Variants in SEPTIN9 observed in about 807,000 individuals in gnomAD.
SEPTIN9 encodes septin-9.
A neutral mutation model predicts 56.6 loss-of-function variants in SEPTIN9; 13 were observed. The observed-to-expected ratio is 0.23, with a 90% CI of 0.15 to 0.37. The LOEUF is 0.37. Among genes scored for constraint, SEPTIN9 ranks in the 10% least tolerant of loss-of-function variants. The pLI, the probability that SEPTIN9 is intolerant of heterozygous loss-of-function variation, is 1.00. For synonymous variants in SEPTIN9, 332 were observed against 334.1 expected, an observed-to-expected ratio of 0.99 and a Z score of 0.07; for missense variants, 650 against 823.1, an observed-to-expected ratio of 0.79 and a Z score of 2.57.
rs1160185345 is a variant in SEPTIN9, at chr17:77,456,073, C to A, written c.722-26071C>A. On this transcript the variant is annotated intron_variant, in intron 3 of 11. Transcript: ENST00000427177. The surrounding 1 kb of genome is among the most constrained non-coding windows in gnomAD (Gnocchi z 6.0). The stretch of plus-strand genomic sequence containing the variant: ...GATGGTGTCTTTTGTGCCTTGTGTG[C>A]TGGGGCCGGAGGAAACACTGCCCGT... Among the ~76,000 whole-genome samples the A allele has an allele frequency of 6.6e-6, 1 of 152,074 alleles. No individual in the cohort carries two copies. The highest frequency in any genetic ancestry group is 1.5e-5 in the Non-Finnish European group (1 of 68,018).
At chr17:77,431,165 TA>T (rs1222123264) in intron 3 of SEPTIN9, among the ~76,000 whole-genome samples, 2 of 152,040 alleles carry the variant, frequency 1.3e-5, no homozygotes, top group Admixed American at 6.6e-5. Context: ...ACAGAGGTGC[TA>T]GGGGTAGTGG....
Position 77,435,129 on chromosome 17 carries a change from G to A in SEPTIN9, c.721+32426G>A, listed in dbSNP as rs1455649218. ...ATTCTGTTGTTATTCCCATTTCACCGATGAGGAACCCACAGCCCAGAGATG... is the reference window on the plus strand; with the variant it reads ...ATTCTGTTGTTATTCCCATTTCACCAATGAGGAACCCACAGCCCAGAGATG... On this transcript the variant is annotated intron_variant, in intron 3 of 11. Transcript: ENST00000427177. This position sits in a 1 kb window ranked among gnomAD's most constrained non-coding sequence, Gnocchi z 4.5. 6.6e-6 allele frequency among the ~76,000 whole-genome samples: 1 copy of A among 152,128 alleles called. No homozygotes were observed. Among genetic ancestry groups the A allele is most frequent in the East Asian group, 1.9e-4 (1 of 5,200 alleles).
intron 3 of SEPTIN9, among the ~76,000 whole-genome samples, chr17:77,480,385 C>T (rs1371343844): frequency 1.3e-5 from 2 of 152,230 alleles, no homozygotes; most frequent in South Asian, 2.1e-4. Flanking sequence ...GTGAAATAGG[C>T]CGAGAGGGAT....
intron 2 of SEPTIN9, among the ~76,000 whole-genome samples, chr17:77,351,228 AACACACACACACACACACACAC>A (rs10537405): frequency 4.8e-5 from 7 of 144,760 alleles, no homozygotes; most frequent in South Asian, 4.5e-4. Context: ...GCGTGCACAC[AACACACACACACACACACACAC>A]ACACACACAC....
At chr17:77,339,945 C>T (rs1428893809) in intron 2 of SEPTIN9, among the ~76,000 whole-genome samples, 1 of 152,212 alleles carries the variant, frequency 6.6e-6, no homozygotes, top group East Asian at 1.9e-4. Flanking sequence ...CCTGCCTCAG[C>T]CTCCTGAGTA....
At chr17:77,443,336 C>T (rs2037619025) in intron 3 of SEPTIN9, among the ~76,000 whole-genome samples, 3 of 152,118 alleles carry the variant, frequency 2.0e-5, no homozygotes, top group Non-Finnish European at 4.4e-5. Flanking sequence ...TGCTGATCTA[C>T]AAAGTGGTCA....
At chr17:77,398,449 C>G (rs372808829) in intron 2 of SEPTIN9, among the ~76,000 whole-genome samples, 183 of 152,246 alleles carry the variant, frequency 1.2e-3, no homozygotes, top group African/African-American at 4.2e-3. Context: ...GGGAGGCCAG[C>G]TCCCCGGGAA....
rs372020677 is a variant in SEPTIN9 at position 77,426,374 on chromosome 17, C to T, written c.721+23671C>T. ...CCGGAGGCATGCAGTGGCGCAACAG[C>T]GTGAGCCCAGGAGCCCCGGTGAGCT... On this transcript the variant is annotated intron_variant, in intron 3 of 11. Coordinates refer to ENST00000427177, the MANE Select transcript of SEPTIN9 (RefSeq NM_001113491.2). 2.0e-3 allele frequency among the ~76,000 whole-genome samples: 303 copies of T among 152,186 alleles called. 9 individuals carry two copies. The South Asian group carries it at 0.049, about 25-fold the overall frequency.
intron 1 of SEPTIN9, among the ~76,000 whole-genome samples, chr17:77,305,148 T>A (rs772271175): frequency 6.7e-6 from 1 of 150,122 alleles, no homozygotes; most frequent in Non-Finnish European, 1.5e-5. Context: ...AACCCCTGGG[T>A]TTTCCTGGTG....
rs1198186487 is a variant in SEPTIN9 at position 77,329,893 on chromosome 17, G to T, written c.76+22696G>T. On this transcript the variant is annotated intron_variant, in intron 2 of 11. Transcript: ENST00000427177. The surrounding 1 kb of genome is among the most constrained non-coding windows in gnomAD (Gnocchi z 4.3). ...TTTGGACACCATCCCTGGGAGGGGT[G>T]AGCAGGACAAGTGAGGTCTCCAGAC... 6.6e-6 allele frequency among the ~76,000 whole-genome samples: 1 copy of T among 152,200 alleles called. No homozygotes were observed. The highest frequency in any genetic ancestry group is 2.4e-5 in the African/African-American group (1 of 41,444).
chr17:77,492,940 C>A lies in SEPTIN9; in HGVS notation c.1477-40C>A. The A allele has an allele frequency of 6.5e-7, 1 of 1,535,572 alleles. No individual in the cohort carries two copies. Among genetic ancestry groups the A allele is most frequent in the Non-Finnish European group, 8.8e-7 (1 of 1,131,152 alleles). ...GGGGCCCAGGGGAGGGAATTGCCTT[C>A]CCGCACATGTGTAACCAATACCGTC... On this transcript the variant is annotated intron_variant, in intron 9 of 11. Transcript: ENST00000427177. The surrounding 1 kb of genome is among the most constrained non-coding windows in gnomAD (Gnocchi z 5.4).
In SEPTIN9 at chr17:77,445,546, G is replaced by A. The variant is rs774725722; in HGVS notation, c.722-36598G>A. ...CGCACGTGTGTGTGTGTGTGCGTGC[G>A]TGCTGGGTGGGTAGGGAGGAAGCTG... On this transcript the variant is annotated intron_variant, in intron 3 of 11. Coordinates refer to ENST00000427177, the MANE Select transcript of SEPTIN9 (RefSeq NM_001113491.2). The surrounding 1 kb of genome is among the most constrained non-coding windows in gnomAD (Gnocchi z 4.7). The A allele has an allele frequency of 5.7e-5, 22 of 383,870 alleles. No homozygotes were observed. The highest frequency in any genetic ancestry group is 6.6e-5 in the Non-Finnish European group (12 of 181,568). The allele number at this position is 383,870 out of a possible 1,614,324, so 23.8% of individuals were successfully genotyped here. A position where few individuals can be genotyped will look rare whatever the true frequency, so the allele number is the denominator to read the frequency against.
intron 2 of SEPTIN9, among the ~76,000 whole-genome samples, chr17:77,333,617 G>A (rs1316289502): frequency 1.3e-5 from 2 of 152,298 alleles, no homozygotes; most frequent in Middle Eastern, 3.4e-3. Flanking sequence ...TTTCTTTGTG[G>A]TTCTCTCTCT....
chr17:77,353,760 A>T (rs2034133629), intron 2 of SEPTIN9, among the ~76,000 whole-genome samples: 1 of 152,188 alleles, frequency 6.6e-6, no homozygotes, highest in African/African-American at 2.4e-5. Flanking sequence ...CTTCCTGTGG[A>T]AACAGTGTCT....
intron 3 of SEPTIN9, among the ~76,000 whole-genome samples, chr17:77,471,924 G>T (rs1033651269): frequency 6.6e-6 from 1 of 152,052 alleles, no homozygotes; most frequent in Non-Finnish European, 1.5e-5. Context: ...CAGAGCCTGA[G>T]ACAAGGCAAG....
intron 3 of SEPTIN9, among the ~76,000 whole-genome samples, chr17:77,467,143 C>A (rs1046523536): frequency 1.2e-4 from 19 of 152,224 alleles, no homozygotes; most frequent in Non-Finnish European, 2.1e-4. Context: ...ACGCTGGGAC[C>A]AAGTCATCCT....
At chr17:77,491,091 G>A (rs572577624) in intron 8 of SEPTIN9, among the ~76,000 whole-genome samples, 2 of 152,310 alleles carry the variant, frequency 1.3e-5, no homozygotes, top group African/African-American at 4.8e-5. Context: ...TTGTGGGAGT[G>A]CCAATTCTCC....
At chr17:77,332,828 G>A (rs886730285) in intron 2 of SEPTIN9, among the ~76,000 whole-genome samples, 1 of 152,132 alleles carries the variant, frequency 6.6e-6, no homozygotes, top group African/African-American at 2.4e-5. Context: ...GCTGAGTAAC[G>A]TCCACTGTGT....
Position 77,421,799 on chromosome 17 carries a change from G to T in SEPTIN9, c.721+19096G>T, listed in dbSNP as rs2036714657. ...ACCCTCGGGGATTGGCAGCTGCCAC[G>T]CTCATTTCACAGTCGAGACACCCTG... On this transcript the variant is annotated intron_variant, in intron 3 of 11. Transcript: ENST00000427177. The surrounding 1 kb of genome is among the most constrained non-coding windows in gnomAD (Gnocchi z 4.6). Among the ~76,000 whole-genome samples, 1 of 152,110 alleles carries T rather than the reference G, an allele frequency of 6.6e-6. No individual in the cohort carries two copies. Among genetic ancestry groups the T allele is most frequent in the Non-Finnish European group, 1.5e-5 (1 of 68,010 alleles).
Sources: allele counts gnomAD v4.1 joint callset (sites outside exome capture counted in the v4.1 genomes callset), GRCh38; gene constraint gnomAD v4.1.1; non-coding constraint Gnocchi (gnomAD v3.1); transcripts MANE v1.5; gene names NCBI Gene and HGNC (gene_info 2026-07-23, HGNC 2026-07-21).